ERC1: variants seen among roughly 807,000 people sequenced by gnomAD.
ERC1 encodes RAB6 interacting protein 2.
In ERC1, 56 loss-of-function variants were observed where a neutral mutation model predicts 132.0. The ratio of observed to expected loss-of-function variants is 0.42; its 90% CI spans 0.34 to 0.53. The LOEUF is 0.53. ERC1 is among the 20% of genes least tolerant of loss of function. The probability of loss-of-function intolerance (pLI) is 0.03; values close to 1 mark genes in which losing one functional copy is unlikely to be tolerated. For missense variants in ERC1, 1,202 were observed against 1,349.9 expected (o/e 0.89, Z 1.72); for synonymous variants, 478 against 476.1 (o/e 1.00, Z -0.05).
intron 7 of ERC1, among the ~76,000 whole-genome samples, chr12:1,129,472 G>A (rs1350235038): frequency 6.6e-6 from 1 of 152,212 alleles, no homozygotes; most frequent in African/African-American, 2.4e-5. Flanking sequence ...GCAGTAGTGA[G>A]CTATGATTGT....
intron 2 of ERC1, among the ~76,000 whole-genome samples, chr12:1,035,732 C>G (rs1968928884): frequency 6.6e-6 from 1 of 152,014 alleles, no homozygotes; most frequent in Non-Finnish European, 1.5e-5. Flanking sequence ...ACCATCCTGG[C>G]TAACACGGTG....
In ERC1 at chr12:1,186,905, A is replaced by C. The variant is rs180906623; in HGVS notation, c.2158-2954A>C. Among the ~76,000 whole-genome samples the C allele has an allele frequency of 1.4e-3, 217 of 152,276 alleles. 1 individual carries two copies. Among genetic ancestry groups the C allele is most frequent in the African/African-American group, 4.8e-3 (201 of 41,556 alleles). ...GAGTGCAGTGGCACAATCTCGACTC[A>C]CTGCAGCCTCTACCTCCCAGGTTCA... On this transcript the variant is annotated intron_variant, in intron 11 of 18. Transcript: ENST00000360905.
At chr12:1,313,008 A>G (rs1027276916) in intron 15 of ERC1, among the ~76,000 whole-genome samples, 8 of 152,106 alleles carry the variant, frequency 5.3e-5, no homozygotes, top group African/African-American at 1.9e-4. Flanking sequence ...TCCTATTGCA[A>G]TAAAACCATA....
chr12:1,008,013 G>A (rs1160752699), intron 1 of ERC1, among the ~76,000 whole-genome samples: 2 of 152,222 alleles, frequency 1.3e-5, no homozygotes, highest in African/African-American at 2.4e-5. Context: ...TCTTTTCCCC[G>A]CCAGAGGAGA....
intron 4 of ERC1, 55 bp downstream of exon 4, chr12:1,104,879 C>A: frequency 8.6e-7 from 1 of 1,165,160 alleles, no homozygotes; most frequent in Non-Finnish European, 1.3e-6. Flanking sequence ...TTTAAGTGAT[C>A]AAAAACTTCC....
intron 17 of ERC1, among the ~76,000 whole-genome samples, chr12:1,409,109 G>T (rs1343272928): frequency 6.6e-6 from 1 of 152,234 alleles, no homozygotes; most frequent in Non-Finnish European, 1.5e-5. Flanking sequence ...GAGAAATAGT[G>T]CAGATGAAAG....
Position 1,152,065 on chromosome 12 carries a change from T to A in ERC1, c.1737+10278T>A, listed in dbSNP as rs1950887099. Among the ~76,000 whole-genome samples the A allele has an allele frequency of 1.3e-5, 2 of 152,108 alleles. 1 individual carries two copies. The highest frequency in any genetic ancestry group is 4.1e-4 in the South Asian group (2 of 4,820). On this transcript the variant is annotated intron_variant, in intron 8 of 18. Coordinates refer to ENST00000360905, the MANE Select transcript of ERC1 (RefSeq NM_178040.4). The stretch of plus-strand genomic sequence containing the variant: ...AATACAAAAAATTAGCTGGGAGTAG[T>A]GGCAGGTGCCTGTAATCCCAGCTAC...
At chr12:1,471,048 G>A (rs2093850484) in intron 18 of ERC1, among the ~76,000 whole-genome samples, 1 of 152,026 alleles carries the variant, frequency 6.6e-6, no homozygotes, top group Non-Finnish European at 1.5e-5. Flanking sequence ...GTCTTTTATA[G>A]TCATGTTTTC....
chr12:1,007,460 TTCTCTCTCTCTCTC>T (rs72040785), intron 1 of ERC1, among the ~76,000 whole-genome samples: 20 of 135,058 alleles, frequency 1.5e-4, no homozygotes, highest in East Asian at 4.4e-4. Context: ...GGGTAATTCA[TTCTCTCTCTCTCTC>T]TCTCTCTCTC....
chr12:1,216,656 CA>C (rs1444174156), intron 12 of ERC1, among the ~76,000 whole-genome samples: 4 of 149,294 alleles, frequency 2.7e-5, no homozygotes, highest in Non-Finnish European at 5.9e-5. Flanking sequence ...ATGATATGTA[CA>C]AAAACACTTT....
chr12:1,054,222 A>G (rs955566997), intron 2 of ERC1, among the ~76,000 whole-genome samples: 5 of 152,188 alleles, frequency 3.3e-5, no homozygotes, highest in African/African-American at 1.2e-4. Context: ...ATTCATGAGG[A>G]TTTGCCAGAC....
chr12:1,343,567 G>A (rs1387072589), intron 15 of ERC1, among the ~76,000 whole-genome samples: 2 of 152,068 alleles, frequency 1.3e-5, no homozygotes, highest in East Asian at 1.9e-4. Context: ...TTGATATTGA[G>A]TTATTTTTAG....
chr12:1,023,417 T>C (rs941407140), intron 1 of ERC1, among the ~76,000 whole-genome samples: 1 of 152,152 alleles, frequency 6.6e-6, no homozygotes, highest in East Asian at 1.9e-4. Context: ...TGATTTTTTT[T>C]TTTTCCCCTG....
intron 8 of ERC1, among the ~76,000 whole-genome samples, chr12:1,168,004 GC>G (rs1164211988): frequency 6.6e-6 from 1 of 152,054 alleles, no homozygotes; most frequent in Admixed American, 6.6e-5. Flanking sequence ...GTGAGTCACC[GC>G]GCCCCGTCAG....
chr12:1,057,179 C>G (rs560805161), intron 2 of ERC1, among the ~76,000 whole-genome samples: 1 of 152,172 alleles, frequency 6.6e-6, no homozygotes, highest in South Asian at 2.1e-4. Context: ...CTCACTTTGT[C>G]AGCGCGATCT....
At chr12:1,231,250 G>C (rs2075016824) in intron 12 of ERC1, among the ~76,000 whole-genome samples, 1 of 151,924 alleles carries the variant, frequency 6.6e-6, no homozygotes, top group Non-Finnish European at 1.5e-5. Context: ...GATATCTTAG[G>C]CTGTTTTAAG....
At chr12:1,252,820 A>G (rs560511453) in intron 13 of ERC1, among the ~76,000 whole-genome samples, 12 of 152,220 alleles carry the variant, frequency 7.9e-5, no homozygotes, top group African/African-American at 2.9e-4. Flanking sequence ...TCTGGCTTCA[A>G]TTTTTTTCCC....
At chr12:1,116,685 T>G (rs1946488332) in intron 7 of ERC1, among the ~76,000 whole-genome samples, 1 of 151,740 alleles carries the variant, frequency 6.6e-6, no homozygotes, top group African/African-American at 2.4e-5. Flanking sequence ...TGGATTCAGG[T>G]GATTCTCCTG....
At chr12:1,195,102 C>A (rs530607165) in intron 12 of ERC1, among the ~76,000 whole-genome samples, 1 of 151,686 alleles carries the variant, frequency 6.6e-6, no homozygotes, top group East Asian at 1.9e-4. Flanking sequence ...CCTAAAAAAA[C>A]CACAACAACT....
Sources: gnomAD v4.1 joint callset for allele counts (sites outside exome capture counted in the v4.1 genomes callset) on GRCh38, gnomAD v4.1.1 for gene constraint, MANE v1.5 for transcripts, NCBI Gene and HGNC (gene_info 2026-07-23, HGNC 2026-07-21) for gene names.